RANBP2: variants seen among roughly 807,000 people sequenced by gnomAD.
The protein encoded by RANBP2 is RAN binding protein 2.
A neutral mutation model predicts 303.6 loss-of-function variants in RANBP2; 57 were observed. The ratio of observed to expected loss-of-function variants is 0.19; its 90% CI spans 0.15 to 0.23. RANBP2 has a LOEUF of 0.23. Ranked by LOEUF, RANBP2 falls within the 10% of genes least tolerant of loss-of-function variation. The pLI is 1.00. For synonymous variants in RANBP2, 1,167 were observed against 1,301.5 expected, an observed-to-expected ratio of 0.90 and a Z score of 2.23; for missense variants, 3,138 against 3,780.8, an observed-to-expected ratio of 0.83 and a Z score of 4.46.
chr2:109,154,280 A>G, the RANBP2 span, among the ~76,000 whole-genome samples: 1 of 152,084 alleles, frequency 6.6e-6, no homozygotes, highest in African/African-American at 2.4e-5. Flanking sequence ...TGGGAAATGG[A>G]GGGACCAAGG....
the RANBP2 span, among the ~76,000 whole-genome samples, chr2:109,048,192 T>C: frequency 6.6e-6 from 1 of 152,254 alleles, no homozygotes; most frequent in Non-Finnish European, 1.5e-5. Flanking sequence ...GCCATTACTT[T>C]TGTCTGTAAA....
the RANBP2 span, chr2:109,432,493 G>A: frequency 6.2e-7 from 1 of 1,612,878 alleles, no homozygotes; most frequent in Non-Finnish European, 8.5e-7. Flanking sequence ...CCCATGCTTT[G>A]CCCGCAGGTA....
At chr2:109,052,478 C>A in the RANBP2 span, among the ~76,000 whole-genome samples, 9 of 152,124 alleles carry the variant, frequency 5.9e-5, no homozygotes, top group African/African-American at 1.7e-4. Flanking sequence ...GTAAGCTTTG[C>A]CTCAACATCG....
chr2:109,264,756 G>C, the RANBP2 span, among the ~76,000 whole-genome samples: 2 of 152,142 alleles, frequency 1.3e-5, no homozygotes, highest in African/African-American at 2.4e-5. Flanking sequence ...CCCACTGGGC[G>C]GGCATCTCAT....
At chr2:109,585,078 G>T in the RANBP2 span, 4 of 1,224,642 alleles carry the variant, frequency 3.3e-6, no homozygotes, top group Non-Finnish European at 4.5e-6. Flanking sequence ...TAAGGCGAAT[G>T]TCTTGAAATA....
At chr2:109,549,348 A>G in the RANBP2 span, among the ~76,000 whole-genome samples, 1 of 152,356 alleles carries the variant, frequency 6.6e-6, no homozygotes, top group African/African-American at 2.4e-5. Context: ...GTCACACAGC[A>G]CTTTATACAT....
At position 108,742,144 on chromosome 2, in the gene RANBP2, G is replaced by A. The variant is rs748699928; in HGVS notation, c.975+1463G>A. Among the ~76,000 whole-genome samples, 23 of 150,304 alleles carry A rather than the reference G, an allele frequency of 1.5e-4. No homozygotes were observed. The East Asian group carries it at 3.4e-3, about 22-fold the overall frequency. On this transcript the variant is annotated intron_variant, in intron 7 of 28. Transcript: ENST00000283195. ...CCCGAGTAGCTGGGATTACAGGCAT[G>A]CGCCACCACGCCCGTCTAATTTTGT...
the RANBP2 span, among the ~76,000 whole-genome samples, chr2:109,180,918 TGCAGTGGGATTTATCA>T: frequency 6.6e-6 from 1 of 152,234 alleles, no homozygotes. Context: ...CAGAGAGCTC[TGCAGTGGGATTTATCA>T]GCAGATTTCT....
chr2:108,907,674 A>C, the RANBP2 span, among the ~76,000 whole-genome samples: 1 of 151,762 alleles, frequency 6.6e-6, no homozygotes, highest in African/African-American at 2.4e-5. Context: ...AAACTCAAAA[A>C]CGAAAGGGTT....
chr2:108,835,524 A>G, the RANBP2 span, among the ~76,000 whole-genome samples: 14 of 152,340 alleles, frequency 9.2e-5, no homozygotes, highest in African/African-American at 3.4e-4. Context: ...AATATTTTTC[A>G]CAAAGTATTG....
the RANBP2 span, among the ~76,000 whole-genome samples, chr2:109,673,258 GA>G: frequency 1.3e-5 from 2 of 152,148 alleles, no homozygotes; most frequent in African/African-American, 4.8e-5. Flanking sequence ...TTACAATGGG[GA>G]CAGTACTAAG....
the RANBP2 span, among the ~76,000 whole-genome samples, chr2:109,656,933 GC>G: frequency 2.0e-5 from 3 of 152,094 alleles, no homozygotes; most frequent in Non-Finnish European, 4.4e-5. Context: ...GAAATCAACA[GC>G]CCCCAATGGA....
the RANBP2 span, among the ~76,000 whole-genome samples, chr2:109,175,177 G>A: frequency 3.9e-5 from 6 of 152,264 alleles, no homozygotes; most frequent in East Asian, 1.2e-3. Flanking sequence ...AGAAATTGGA[G>A]TCCATCATTT....
At chr2:108,982,279 C>A in the RANBP2 span, among the ~76,000 whole-genome samples, 9 of 152,232 alleles carry the variant, frequency 5.9e-5, no homozygotes, top group Admixed American at 5.9e-4. Context: ...CCAGCCCACA[C>A]TGGGAGAGCT....
the RANBP2 span, among the ~76,000 whole-genome samples, chr2:109,692,656 C>T: frequency 6.6e-6 from 1 of 152,112 alleles, no homozygotes; most frequent in Non-Finnish European, 1.5e-5. Context: ...GGCCCGGTGC[C>T]ATTTCTCCTT....
chr2:108,891,325 G>C, the RANBP2 span, among the ~76,000 whole-genome samples: 2 of 152,174 alleles, frequency 1.3e-5, no homozygotes, highest in Non-Finnish European at 2.9e-5. Context: ...TTTCATAGAA[G>C]AAGACTTTTT....
chr2:109,416,154 C>A, the RANBP2 span, among the ~76,000 whole-genome samples: 1 of 152,200 alleles, frequency 6.6e-6, no homozygotes, highest in South Asian at 2.1e-4. Flanking sequence ...GGTATTCTGT[C>A]GTAAGCAACA....
chr2:109,535,346 A>C, the RANBP2 span, among the ~76,000 whole-genome samples: 3 of 152,058 alleles, frequency 2.0e-5, no homozygotes, highest in African/African-American at 7.2e-5. Context: ...AAGACCTAAA[A>C]ATGCACCAGC....
chr2:109,298,051 G>C, the RANBP2 span, among the ~76,000 whole-genome samples: 1 of 152,204 alleles, frequency 6.6e-6, no homozygotes, highest in Non-Finnish European at 1.5e-5. Flanking sequence ...AACGTACCCT[G>C]TGGGATGTTC....
Sources: gnomAD v4.1 joint callset for allele counts (sites outside exome capture counted in the v4.1 genomes callset) on GRCh38, gnomAD v4.1.1 for gene constraint, MANE v1.5 for transcripts, NCBI Gene and HGNC (gene_info 2026-07-23, HGNC 2026-07-21) for gene names.